CLASP1: variants seen among roughly 807,000 people sequenced by gnomAD.
CLASP1 encodes cytoplasmic linker associated protein 1.
A neutral mutation model predicts 192.3 loss-of-function variants in CLASP1; 38 were observed. The observed-to-expected ratio is 0.20, with a 90% CI of 0.15 to 0.26. The LOEUF (loss-of-function observed/expected upper bound fraction) is 0.26, where lower values mean the gene tolerates loss of function less well. Among genes scored for constraint, CLASP1 ranks in the 10% least tolerant of loss-of-function variants. CLASP1 has a pLI of 1.00. For missense variants in CLASP1, 1,433 were observed against 1,932.5 expected (o/e 0.74, Z 4.85); for synonymous variants, 691 against 712.8 (o/e 0.97, Z 0.49).
intron 2 of CLASP1, among the ~76,000 whole-genome samples, chr2:121,564,536 G>C (rs1444038157): frequency 5.9e-5 from 9 of 152,140 alleles, no homozygotes; most frequent in Non-Finnish European, 8.8e-5. Context: ...CCAAGTCCAA[G>C]GGGCTCTAAA....
chr2:121,377,458 T>C (rs1358982296), intron 34 of CLASP1, 41 bp downstream of exon 35: 1 of 1,485,328 alleles, frequency 6.7e-7, no homozygotes, highest in Non-Finnish European at 9.3e-7. Flanking sequence ...TATCTGTCAT[T>C]TAACTCATAC....
intron 1 of CLASP1, among the ~76,000 whole-genome samples, chr2:121,612,255 G>A (rs989458926): frequency 6.0e-5 from 9 of 150,712 alleles, no homozygotes; most frequent in Non-Finnish European, 3.0e-5. Context: ...ATGAGGAGGA[G>A]GAGTTATAGG....
rs549879805 is a variant in CLASP1 at position 121,500,417 on chromosome 2, A to G, written c.712+2750T>C. Among the ~76,000 whole-genome samples, 32 of 151,020 alleles carry G rather than the reference A, an allele frequency of 2.1e-4. 1 individual carries two copies. Among genetic ancestry groups the G allele is most frequent in the East Asian group, 1.6e-3 (8 of 5,126 alleles). ...GAAAGAAAAGAAAGAAAGAAAGAAA[A>G]AAAAGAAAAGAGAAAAGAAAAGAGG... On this transcript the variant is annotated intron_variant, in intron 8 of 39. Transcript: ENST00000263710.
chr2:121,594,442 G>A (rs1316747844), intron 2 of CLASP1, among the ~76,000 whole-genome samples: 1 of 151,212 alleles, frequency 6.6e-6, no homozygotes, highest in Admixed American at 6.6e-5. Flanking sequence ...GCCCAGGCTG[G>A]AGTGCAGTGG....
At chr2:121,588,685 A>G (rs1199540205) in intron 2 of CLASP1, among the ~76,000 whole-genome samples, 1 of 152,190 alleles carries the variant, frequency 6.6e-6, no homozygotes, top group Non-Finnish European at 1.5e-5. Context: ...AATAGTAAGT[A>G]GAGAGCTGTG....
At chr2:121,466,917 C>T (rs2089700116) in intron 9 of CLASP1, among the ~76,000 whole-genome samples, 1 of 152,198 alleles carries the variant, frequency 6.6e-6, no homozygotes, top group African/African-American at 2.4e-5. Flanking sequence ...CATCCCATCA[C>T]CTAGGTATTA....
intron 8 of CLASP1, 58 bp from the exon 9 acceptor site, chr2:121,470,018 T>C (rs2090390824): frequency 7.8e-7 from 1 of 1,289,730 alleles, no homozygotes; most frequent in Admixed American, 2.2e-5. Flanking sequence ...TATATACATA[T>C]ATATATACTT....
At chr2:121,635,209 T>C (rs1216339207) in intron 1 of CLASP1, among the ~76,000 whole-genome samples, 1 of 137,304 alleles carries the variant, frequency 7.3e-6, no homozygotes, top group South Asian at 2.3e-4. Flanking sequence ...ATTGCGTCTG[T>C]AAAAAAAAAA....
chr2:121,505,622 T>C (rs1035252280), intron 7 of CLASP1, among the ~76,000 whole-genome samples: 1 of 152,216 alleles, frequency 6.6e-6, no homozygotes, highest in South Asian at 2.1e-4. Flanking sequence ...TCTAAAAGGA[T>C]GAGTTTTATA....
chr2:121,397,037 T>C (rs2075390044), intron 30 of CLASP1, 103 bp downstream of exon 31: 16 of 1,092,660 alleles, frequency 1.5e-5, no homozygotes, highest in East Asian at 9.5e-5. Context: ...CTTAGTGATA[T>C]AGGTTTGTGG....
intron 1 of CLASP1, among the ~76,000 whole-genome samples, chr2:121,648,608 G>A (rs1046514471): frequency 2.6e-5 from 4 of 152,180 alleles, no homozygotes; most frequent in South Asian, 4.1e-4. Flanking sequence ...AAAACGGAAA[G>A]CAAAATTCGA....
intron 23 of CLASP1, among the ~76,000 whole-genome samples, chr2:121,416,534 G>A (rs545449454): frequency 2.8e-4 from 42 of 152,212 alleles, no homozygotes; most frequent in African/African-American, 9.6e-4. Context: ...AGCTAAAGAA[G>A]GAACCTTCAG....
intron 20 of CLASP1, among the ~76,000 whole-genome samples, chr2:121,428,592 C>T (rs548480193): frequency 9.2e-5 from 14 of 152,214 alleles, no homozygotes; most frequent in South Asian, 2.1e-4. Context: ...TTCTGGGCTA[C>T]ACCTGCACCC....
exon 40 of CLASP1, chr2:121,337,800 G>T (rs1490115618): frequency 6.7e-6 from 1 of 149,326 alleles, no homozygotes; most frequent in Non-Finnish European, 1.5e-5. Context: ...ATTTATTCTA[G>T]GGCAAACTCA....
In CLASP1 at chr2:121,438,419, T is replaced by C. The variant is rs78490603; in HGVS notation, c.1913-8242A>G. 1.3e-3 allele frequency among the ~76,000 whole-genome samples: 199 copies of C among 152,332 alleles called. 3 individuals are homozygous for C. In the East Asian group the frequency reaches 0.03, roughly 23 times the overall value. ...AAGATAAAGAGGATTTTTTGTGTTGTTTTGTTTTTCTCACCTGTCCACCTT... is the reference window on the plus strand; with the variant it reads ...AAGATAAAGAGGATTTTTTGTGTTGCTTTGTTTTTCTCACCTGTCCACCTT... On this transcript the variant is annotated intron_variant, in intron 19 of 39. Transcript: ENST00000263710.
At chr2:121,387,937 A>T in intron 30 of CLASP1, 31 bp from the exon 32 acceptor site, 1 of 1,544,764 alleles carries the variant, frequency 6.5e-7, no homozygotes, top group Non-Finnish European at 8.9e-7. Context: ...TAATTTATGT[A>T]ATGTACAATA....
intron 2 of CLASP1, among the ~76,000 whole-genome samples, chr2:121,575,480 T>C (rs1225184802): frequency 2.0e-5 from 3 of 152,106 alleles, no homozygotes; most frequent in Non-Finnish European, 4.4e-5. Flanking sequence ...AGTAAAAGCA[T>C]GAAAATGTAT....
chr2:121,619,117 A>G (rs756180944), intron 1 of CLASP1, among the ~76,000 whole-genome samples: 10 of 152,218 alleles, frequency 6.6e-5, no homozygotes, highest in Non-Finnish European at 1.5e-4. Flanking sequence ...ACTACAATGT[A>G]ATTACGACAA....
At chr2:121,378,684 C>T (rs2070865615) in intron 33 of CLASP1, among the ~76,000 whole-genome samples, 1 of 152,074 alleles carries the variant, frequency 6.6e-6, no homozygotes, top group East Asian at 1.9e-4. Flanking sequence ...AAGAAAGTTT[C>T]AAGAAAAGAT....
Sources: allele counts gnomAD v4.1 joint callset (sites outside exome capture counted in the v4.1 genomes callset), GRCh38; gene constraint gnomAD v4.1.1; transcripts MANE v1.5; gene names NCBI Gene and HGNC (gene_info 2026-07-23, HGNC 2026-07-21).